UGT1A1: variants seen among roughly 807,000 people sequenced by gnomAD.
UGT1A1 encodes the protein UDP-glucuronosyltransferase 1A1.
In UGT1A1, 33 loss-of-function variants were observed where a neutral mutation model predicts 40.6. The ratio of observed to expected loss-of-function variants is 0.81; its 90% confidence interval spans 0.62 to 1.09. The LOEUF (loss-of-function observed/expected upper bound fraction) is 1.09. Among genes scored for constraint, UGT1A1 ranks in the 50% least tolerant of loss-of-function variants. The pLI is 0.00. For synonymous variants in UGT1A1, 249 were observed against 265.0 expected (o/e 0.94, Z 0.59); for missense variants, 694 against 671.2 (o/e 1.03, Z -0.38).
intron 4 of UGT1A1, chr2:233,770,235 A>G (rs930818021): frequency 6.6e-6 from 1 of 152,226 alleles, no homozygotes; most frequent in Non-Finnish European, 1.5e-5. Flanking sequence ...GTGAATCTCC[A>G]TGATTCCAAC....
Position 233,760,983 on chromosome 2 carries a change from C to G in UGT1A1, c.696C>G (p.Thr232=). 2 of 1,614,178 alleles carry G rather than the reference C, an allele frequency of 1.2e-6. No homozygotes were observed. The highest frequency in any genetic ancestry group is 1.3e-5 in the African/African-American group (1 of 75,030). The stretch of plus-strand genomic sequence containing the variant: ...ACGTGGTTTATTCCCCGTATGCAAC[C>G]CTTGCCTCAGAATTCCTTCAGAGAG... ...LCDVVYSPYA[T]LASEFLQREV... is the part of the protein sequence containing the mutation. Residue 232 remains threonine (T), a synonymous_variant, in exon 1 of 5, where the codon ACC becomes ACG. Transcript: ENST00000305208.
chr2:233,768,039 G>T (rs1699553199), intron 3 of UGT1A1, 103 bp downstream of exon 3: 10 of 1,610,920 alleles, frequency 6.2e-6, no homozygotes, highest in Non-Finnish European at 8.5e-6. Flanking sequence ...AAATATTATG[G>T]CCAACATATC....
chr2:233,768,579 C>G (rs1408640204), intron 4 of UGT1A1, 140 bp downstream of exon 4: 7 of 934,896 alleles, frequency 7.5e-6, no homozygotes, highest in Non-Finnish European at 8.5e-6. Flanking sequence ...ATTTTTATTT[C>G]TTCTTTTTTT....
chr2:233,762,345 C>A (rs964115716), intron 1 of UGT1A1, among the ~76,000 whole-genome samples: 1 of 152,164 alleles, frequency 6.6e-6, no homozygotes, highest in Non-Finnish European at 1.5e-5. Flanking sequence ...CTTTTTAGTT[C>A]TTTGTACTCC....
chr2:233,769,511 C>T lies in UGT1A1; in HGVS notation c.1304+1072C>T. On this transcript the variant is annotated intron_variant, in intron 4 of 4. Coordinates refer to ENST00000305208, the MANE Select transcript of UGT1A1 (RefSeq NM_000463.3). This position sits in a 1 kb window ranked among gnomAD's most constrained non-coding sequence, Gnocchi z 4.4. ...TTTATGAGAGTGTCCATTGCTTTCT[C>T]CCATGGTTACCTCCTTTAGAAAGAA... 6.2e-7 allele frequency: 1 copy of T among 1,612,794 alleles called. No individual in the cohort carries two copies. The highest frequency in any genetic ancestry group is 8.5e-7 in the Non-Finnish European group (1 of 1,179,854).
chr2:233,772,116 AAACAAC>A, intron 4 of UGT1A1, 140 bp from the exon 5 acceptor site: 1 of 1,531,302 alleles, frequency 6.5e-7, no homozygotes, highest in Non-Finnish European at 8.8e-7. Context: ...CTGTATCTAA[AAACAAC>A]AACAACAACA....
chr2:233,769,731 T>C lies in UGT1A1; in HGVS notation c.1304+1292T>C. ...TTGGCTAGGCACCATGGCACACGCC[T>C]GTAGTCCCAGCCACTCTGGAGGCTA... On this transcript the variant is annotated intron_variant, in intron 4 of 4. Coordinates refer to ENST00000305208, the MANE Select transcript of UGT1A1 (RefSeq NM_000463.3). The surrounding 1 kb of genome is among the most constrained non-coding windows in gnomAD (Gnocchi z 4.4). The C allele has an allele frequency of 6.8e-7, 1 of 1,467,200 alleles. No individual in the cohort carries two copies. Among genetic ancestry groups the C allele is most frequent in the Non-Finnish European group, 9.0e-7 (1 of 1,108,292 alleles). 90.9% of individuals were successfully genotyped at this position (1,467,200 alleles called of 1,614,324 possible). A position where few individuals can be genotyped will look rare whatever the true frequency, so the allele number is the denominator to read the frequency against.
chr2:233,769,464 CGTGT>C lies in UGT1A1; in HGVS notation c.1304+1037_1304+1040del, dbSNP rs145239529. ...GGGTGCACACGTGTGCATTCATATG[CGTGT>C]GTGTGTGTGTGCGTGTGTTTATGAG... On this transcript the variant is annotated intron_variant, in intron 4 of 4. Coordinates refer to ENST00000305208, the MANE Select transcript of UGT1A1 (RefSeq NM_000463.3). This position sits in a 1 kb window ranked among gnomAD's most constrained non-coding sequence, Gnocchi z 4.4. The C allele has an allele frequency of 5.3e-6, 8 of 1,502,902 alleles. No individual in the cohort carries two copies. The highest frequency in any genetic ancestry group is 6.4e-6 in the Non-Finnish European group (7 of 1,095,102). The allele number at this position is 1,502,902 out of a possible 1,614,324, so 93.1% of individuals were successfully genotyped here.
At position 233,772,640 on chromosome 2, in the gene UGT1A1, C is replaced by T; in HGVS notation, c.*81C>T. On this transcript the variant is annotated 3_prime_UTR_variant, in exon 5 of 5. Transcript: ENST00000305208. ...TTGAAAACAGAATCAGTGTTAAATTCATTTTATTCTTATTAAGGAAATACT... is the reference window on the plus strand; with the variant it reads ...TTGAAAACAGAATCAGTGTTAAATTTATTTTATTCTTATTAAGGAAATACT... 2 of 1,552,730 alleles carry T rather than the reference C, an allele frequency of 1.3e-6. No individual in the cohort carries two copies. The highest frequency in any genetic ancestry group is 1.7e-6 in the Non-Finnish European group (2 of 1,148,442).
Position 233,772,855 on chromosome 2 carries a change from A to T in UGT1A1, c.*296A>T, listed in dbSNP as rs1237319377. On this transcript the variant is annotated 3_prime_UTR_variant, in exon 5 of 5. Transcript: ENST00000305208. ...TTCTAGATTACTTTTCTTACTCTGA[A>T]ACATGGCCTGTTTGGGAGTGCGGGA... 3 of 732,688 alleles carry T rather than the reference A, an allele frequency of 4.1e-6. No homozygotes were observed. Among genetic ancestry groups the T allele is most frequent in the Non-Finnish European group, 5.9e-6 (3 of 506,184 alleles). 45.4% of individuals were successfully genotyped at this position (732,688 alleles called of 1,614,324 possible). A position where few individuals can be genotyped will look rare whatever the true frequency, so the allele number is the denominator to read the frequency against.
chr2:233,770,091 G>A (rs1182025509), intron 4 of UGT1A1: 1 of 152,674 alleles, frequency 6.5e-6, no homozygotes, highest in East Asian at 1.9e-4. Context: ...CAGTGGTATA[G>A]ATAACTACTT....
At position 233,760,643 on chromosome 2, in the gene UGT1A1, A is replaced by G. The variant is rs534521374; in HGVS notation, c.356A>G (p.Asp119Gly). Residue 119 changes from aspartate (D) to glycine (G), a missense_variant, in exon 1 of 5, where the codon GAC becomes GGC. Asp to Gly is a moderately conservative substitution (Grantham distance 94). Coordinates refer to ENST00000305208, the MANE Select transcript of UGT1A1 (RefSeq NM_000463.3). Reference protein sequence around the residue: ...VIKTYKKIKKDSAMLLSGCSH... With the variant: ...VIKTYKKIKKGSAMLLSGCSH... ...AAAACATACAAGAAAATAAAAAAGG[A>G]CTCTGCTATGCTTTTGTCTGGCTGT... 5.0e-6 allele frequency: 8 copies of G among 1,614,148 alleles called. No individual in the cohort carries two copies. The South Asian group carries it at 8.8e-5, about 18-fold the overall frequency.
At chr2:233,768,043 A>G in intron 3 of UGT1A1, 107 bp downstream of exon 3, 1 of 1,608,218 alleles carries the variant, frequency 6.2e-7, no homozygotes, top group Non-Finnish European at 8.5e-7. Flanking sequence ...ATTATGGCCA[A>G]CATATCCTAC....
chr2:233,768,409 A>G lies in UGT1A1; in HGVS notation c.1274A>G (p.Asn425Ser). ...GAAATGACTTCTGAAGATTTAGAAA[A>G]TGCTCTAAAAGCAGTCATCAATGAC... ...VLEMTSEDLE[N>S]ALKAVINDKS... is the part of the protein sequence containing the mutation. The change falls in exon 4 of 5, where the codon AAT becomes AGT. Residue 425 changes from asparagine to serine, a missense_variant. Asn to Ser is a conservative substitution (Grantham distance 46, BLOSUM62 1). Coordinates refer to ENST00000305208, the MANE Select transcript of UGT1A1 (RefSeq NM_000463.3). 1 of 1,614,180 alleles carries G rather than the reference A, an allele frequency of 6.2e-7. No homozygotes were observed. Among genetic ancestry groups the G allele is most frequent in the South Asian group, 1.1e-5 (1 of 91,082 alleles).
At chr2:233,768,744 G>A (rs903121977) in intron 4 of UGT1A1, among the ~76,000 whole-genome samples, 12 of 151,626 alleles carry the variant, frequency 7.9e-5, no homozygotes, top group African/African-American at 2.4e-4. Context: ...CACCACGCCC[G>A]GTTAATTTTT....
In UGT1A1 at chr2:233,769,857, CAA is replaced by C. The variant is rs879204025; in HGVS notation, c.1304+1434_1304+1435del. The C allele has an allele frequency of 0.032, 7,144 of 220,908 alleles. No individual in the cohort carries two copies. The highest frequency in any genetic ancestry group is 0.048 in the South Asian group (428 of 8,924). The allele number at this position is 220,908 out of a possible 1,614,324, so 13.7% of individuals were successfully genotyped here. Reference sequence around the variant, plus strand: ...TGGGCAACAGAGTGAGACCCTGTCTCAAAAAAAAAAAAAAAAATGAAAAGTCC... The same window carrying C: ...TGGGCAACAGAGTGAGACCCTGTCTCAAAAAAAAAAAAAAATGAAAAGTCC... On this transcript the variant is annotated intron_variant, in intron 4 of 4. Transcript: ENST00000305208. The surrounding 1 kb of genome is among the most constrained non-coding windows in gnomAD (Gnocchi z 4.4).
chr2:233,769,948 G>A lies in UGT1A1; in HGVS notation c.1304+1509G>A, dbSNP rs34217924. ...TGTGGTCCCATTCCTTCCTTCCAGC[G>A]GCTTCTTCTGGCCACCTCAATGTCA... On this transcript the variant is annotated intron_variant, in intron 4 of 4. Transcript: ENST00000305208. The surrounding 1 kb of genome is among the most constrained non-coding windows in gnomAD (Gnocchi z 4.4). The A allele has an allele frequency of 2.0e-3, 447 of 222,054 alleles. 3 individuals carry two copies. The highest frequency in any genetic ancestry group is 0.017 in the East Asian group (164 of 9,732). The allele number at this position is 222,054 out of a possible 1,614,324, so 13.8% of individuals were successfully genotyped here. A position where few individuals can be genotyped will look rare whatever the true frequency, so the allele number is the denominator to read the frequency against.
rs2125986328 is a variant in UGT1A1, at chr2:233,760,585, T to A, written c.298T>A (p.Phe100Ile). The A allele has an allele frequency of 1.2e-6, 2 of 1,614,208 alleles. No individual in the cohort carries two copies. The highest frequency in any genetic ancestry group is 8.5e-7 in the Non-Finnish European group (1 of 1,180,042). The change falls in exon 1 of 5, where the codon TTT (phenylalanine) becomes ATT (isoleucine). Residue 100 changes from phenylalanine to isoleucine, a missense_variant. Physicochemically the swap from Phe to Ile is conservative, Grantham distance 21 (BLOSUM62 0). Coordinates refer to ENST00000305208, the MANE Select transcript of UGT1A1 (RefSeq NM_000463.3). ...ESFVSLGHNV[F>I]ENDSFLQRVI... ...TTTTGTTAGTCTCGGGCATAATGTTTTTGAGAATGATTCTTTCCTGCAGCG... is the reference window on the plus strand; with the variant it reads ...TTTTGTTAGTCTCGGGCATAATGTTATTGAGAATGATTCTTTCCTGCAGCG...
intron 4 of UGT1A1, among the ~76,000 whole-genome samples, chr2:233,771,823 C>T (rs1700395813): frequency 7.3e-6 from 1 of 137,044 alleles, no homozygotes; most frequent in Non-Finnish European, 1.6e-5. Flanking sequence ...TTCCTTGCTT[C>T]CTTCCCTCCT....
Sources: allele counts gnomAD v4.1 joint callset (sites outside exome capture counted in the v4.1 genomes callset), GRCh38; gene constraint gnomAD v4.1.1; non-coding constraint Gnocchi (gnomAD v3.1); transcripts MANE v1.5; gene names NCBI Gene and HGNC (gene_info 2026-07-23, HGNC 2026-07-21).